Variants in WBP2 observed in about 807,000 individuals in gnomAD.
The protein encoded by WBP2 is WW domain binding protein 2, also known as WW domain-binding protein 2.
WBP2 carries 23 observed loss-of-function variants against 33.0 expected under a neutral mutation model. That is an observed-to-expected ratio of 0.70 (90% CI 0.50 to 0.99). The LOEUF (loss-of-function observed/expected upper bound fraction) is 0.99, where lower values mean the gene tolerates loss of function less well. Among genes scored for constraint, WBP2 ranks in the 50% least tolerant of loss-of-function variants. The probability of loss-of-function intolerance (pLI) is 0.00; values close to 1 mark genes in which losing one functional copy is unlikely to be tolerated. For synonymous variants in WBP2, 153 were observed against 133.5 expected (o/e 1.15, Z -1.01); for missense variants, 353 against 358.0 (o/e 0.99, Z 0.11).
chr17:75,851,570 G>A lies in WBP2; in HGVS notation c.166C>T (p.Arg56Trp), dbSNP rs2065027546. Reference sequence around the variant, plus strand: ...AACTGCCCTGCTGTGCAACTCACCCGGTAAGGGGTAAGGTAGACAGTGCCT... The same window carrying A: ...AACTGCCCTGCTGTGCAACTCACCCAGTAAGGGGTAAGGTAGACAGTGCCT... ...KKGTVYLTPY[R>W]VIFLSKGKDA... is the part of the protein sequence containing the mutation. The change falls in exon 2 of 8, where the codon CGG becomes TGG. Residue 56 changes from arginine to tryptophan, a missense_variant and splice_region_variant. Arg to Trp is a moderately radical substitution (Grantham distance 101). Transcript: ENST00000254806. The A allele has an allele frequency of 1.2e-6, 2 of 1,611,164 alleles. No homozygotes were observed. The highest frequency in any genetic ancestry group is 1.3e-5 in the African/African-American group (1 of 74,850).
chr17:75,855,912 C>T (rs2065056055), upstream of WBP2, among the ~76,000 whole-genome samples: 1 of 152,252 alleles, frequency 6.6e-6, no homozygotes. Flanking sequence ...TCGGATCACC[C>T]CGCCATCCAT....
intron 1 of WBP2, 67 bp downstream of exon 1, chr17:75,855,172 C>A: frequency 2.5e-6 from 3 of 1,196,648 alleles, no homozygotes; most frequent in Non-Finnish European, 3.7e-6. Flanking sequence ...CCACCACCCA[C>A]CACCCACCGC....
chr17:75,853,922 G>A (rs2065042154), intron 1 of WBP2, among the ~76,000 whole-genome samples: 2 of 151,210 alleles, frequency 1.3e-5, no homozygotes, highest in Admixed American at 1.3e-4. Flanking sequence ...GCGGGTGCCT[G>A]TAATGCCAAC....
chr17:75,849,370 G>A (rs2065014278), intron 3 of WBP2: 9 of 509,480 alleles, frequency 1.8e-5, no homozygotes, highest in South Asian at 5.8e-5. Flanking sequence ...GACTCAGTCC[G>A]CAGGCTTCTG....
At position 75,851,586 on chromosome 17, in the gene WBP2, G is replaced by A. The variant is rs761070011; in HGVS notation, c.150C>T (p.Val50=). The change falls in exon 2 of 8, where the codon GTC becomes GTT. Residue 50 remains valine, a synonymous_variant. Coordinates refer to ENST00000254806, the MANE Select transcript of WBP2 (RefSeq NM_012478.4). ...AACTCACCCGGTAAGGGGTAAGGTA[G>A]ACAGTGCCTTTCTTGGTCCCTTTGA... ...EAFKGTKKGT[V]YLTPYRVIFL... 2.5e-6 allele frequency: 4 copies of A among 1,613,524 alleles called. No homozygotes were observed. Among genetic ancestry groups the A allele is most frequent in the Non-Finnish European group, 8.5e-7 (1 of 1,179,536 alleles).
At chr17:75,850,170 G>C (rs1477512170) in intron 2 of WBP2, among the ~76,000 whole-genome samples, 1 of 152,164 alleles carries the variant, frequency 6.6e-6, no homozygotes, top group Non-Finnish European at 1.5e-5. Context: ...TCCCATTGAG[G>C]GGGGCTATAA....
rs2064990144 is a variant in WBP2 at position 75,846,266 on chromosome 17, T to C, written c.*468A>G. 6.0e-6 allele frequency: 1 copy of C among 166,324 alleles called. No individual in the cohort carries two copies. The allele number at this position is 166,324 out of a possible 1,614,324, so 10.3% of individuals were successfully genotyped here. On this transcript the variant is annotated 3_prime_UTR_variant, in exon 8 of 8. Transcript: ENST00000254806. This position sits in a 1 kb window ranked among gnomAD's most constrained non-coding sequence, Gnocchi z 4.8. ...CTGGCTGAGTGGAATGCGGGCGCGG[T>C]GGCCTTCTGAGACCAGCACAGACCA...
chr17:75,855,126 C>A, intron 1 of WBP2, 113 bp downstream of exon 1: 1 of 745,278 alleles, frequency 1.3e-6, no homozygotes. Flanking sequence ...CCACCAACCT[C>A]ACTCCATCAG....
chr17:75,849,576 T>A, intron 3 of WBP2, 28 bp downstream of exon 3: 1 of 1,613,402 alleles, frequency 6.2e-7, no homozygotes, highest in Non-Finnish European at 8.5e-7. Context: ...GCAGGCCCCA[T>A]GCGTGTCCCT....
chr17:75,849,306 CTCCT>C (rs1226939939), intron 3 of WBP2: 1 of 316,888 alleles, frequency 3.2e-6, no homozygotes, highest in Non-Finnish European at 5.9e-6. Context: ...CCTGATGCAG[CTCCT>C]TCCTGAGTCT....
chr17:75,852,262 AC>A (rs1377115989), intron 1 of WBP2: 5 of 152,268 alleles, frequency 3.3e-5, no homozygotes, highest in African/African-American at 9.7e-5. Flanking sequence ...CTACAAAAAA[AC>A]TAAAAACCAA....
At chr17:75,852,889 A>C (rs1196230352) in intron 1 of WBP2, 1 of 780,082 alleles carries the variant, frequency 1.3e-6, no homozygotes, top group Non-Finnish European at 1.6e-6. Context: ...GGTTCTTTTA[A>C]ACCTGGGTTC....
intron 4 of WBP2, 164 bp downstream of exon 4, chr17:75,848,406 T>C: frequency 1.5e-6 from 1 of 667,142 alleles, no homozygotes; most frequent in Non-Finnish European, 2.6e-6. Flanking sequence ...ACAGAGCTGA[T>C]GCCAATGACA....
In WBP2 at chr17:75,846,351, T is replaced by A. The variant is rs1364320845; in HGVS notation, c.*383A>T. 3 of 284,856 alleles carry A rather than the reference T, an allele frequency of 1.1e-5. No homozygotes were observed. The highest frequency in any genetic ancestry group is 2.1e-5 in the Non-Finnish European group (3 of 145,592). The allele number at this position is 284,856 out of a possible 1,614,324, so 17.6% of individuals were successfully genotyped here. On this transcript the variant is annotated 3_prime_UTR_variant, in exon 8 of 8. Coordinates refer to ENST00000254806, the MANE Select transcript of WBP2 (RefSeq NM_012478.4). The surrounding 1 kb of genome is among the most constrained non-coding windows in gnomAD (Gnocchi z 4.8). ...GGGAAGACACCTGGCTGGTCTGAAG[T>A]GGCTCATGAGGCTGAGTGTAGCAGT...
At chr17:75,849,804 C>G in intron 2 of WBP2, 65 bp from the exon 3 acceptor site, 1 of 1,589,480 alleles carries the variant, frequency 6.3e-7, no homozygotes, top group South Asian at 1.1e-5. Flanking sequence ...TGCTTCCCGC[C>G]TGCTTCCTGG....
intron 4 of WBP2, chr17:75,848,148 G>T (rs917813640): frequency 3.1e-6 from 2 of 653,346 alleles, no homozygotes; most frequent in South Asian, 1.9e-5. Context: ...GGCAAGGGAG[G>T]TCAAGGGCAA....
chr17:75,855,466 T>C, upstream of WBP2: 1 of 657,518 alleles, frequency 1.5e-6, no homozygotes, highest in Middle Eastern at 2.6e-4. Context: ...ACTCCCTCCT[T>C]CCAGTTCCTC....
rs908605311 is a variant in WBP2, at chr17:75,846,680, G to C, written c.*54C>G. Reference sequence around the variant, plus strand: ...CCTCCCCAAGCCCCAGCACAGCCCCGATGGGAGGGGTAGGGTAGAGAGATG... The same window carrying C: ...CCTCCCCAAGCCCCAGCACAGCCCCCATGGGAGGGGTAGGGTAGAGAGATG... On this transcript the variant is annotated 3_prime_UTR_variant, in exon 8 of 8. Transcript: ENST00000254806. This position sits in a 1 kb window ranked among gnomAD's most constrained non-coding sequence, Gnocchi z 4.8. 34 of 1,501,564 alleles carry C rather than the reference G, an allele frequency of 2.3e-5. No individual in the cohort carries two copies. Among genetic ancestry groups the C allele is most frequent in the Non-Finnish European group, 2.9e-5 (33 of 1,118,690 alleles). 93.0% of individuals were successfully genotyped at this position (1,501,564 alleles called of 1,614,324 possible).
In WBP2 at chr17:75,854,926, T is replaced by C. The variant is rs561056949; in HGVS notation, c.59+313A>G. 1.2e-4 allele frequency among the ~76,000 whole-genome samples: 19 copies of C among 152,300 alleles called. No homozygotes were observed. In the South Asian group the frequency reaches 1.7e-3, roughly 13 times the overall value. On this transcript the variant is annotated intron_variant, in intron 1 of 7. Transcript: ENST00000254806. ...TCCAATAAGTGACAATTATTTTTGTTTGGGGCTCCTCCCAGCTACTGAAAT... is the reference window on the plus strand; with the variant it reads ...TCCAATAAGTGACAATTATTTTTGTCTGGGGCTCCTCCCAGCTACTGAAAT...
Sources: allele counts gnomAD v4.1 joint callset (sites outside exome capture counted in the v4.1 genomes callset), GRCh38; gene constraint gnomAD v4.1.1; non-coding constraint Gnocchi (gnomAD v3.1); transcripts MANE v1.5; gene names NCBI Gene and HGNC (gene_info 2026-07-23, HGNC 2026-07-21).